IL1R1: variants seen among roughly 807,000 people sequenced by gnomAD.
IL1R1 encodes the protein interleukin-1 receptor type 1.
IL1R1 carries 22 observed loss-of-function variants against 50.2 expected under a neutral mutation model. That is an observed-to-expected ratio of 0.44 (90% CI 0.31 to 0.63). The LOEUF is 0.63. Among genes scored for constraint, IL1R1 ranks in the 20% least tolerant of loss-of-function variants. The pLI is 0.07. For missense variants in IL1R1, 509 were observed against 676.2 expected (o/e 0.75, Z 2.74); for synonymous variants, 251 against 236.7 (o/e 1.06, Z -0.55).
Position 102,137,612 on chromosome 2 carries a change from T to C in IL1R1, c.-83-16329T>C, listed in dbSNP as rs1577930970. Among the ~76,000 whole-genome samples, 3 of 152,024 alleles carry C rather than the reference T, an allele frequency of 2.0e-5. No individual in the cohort carries two copies. The South Asian group carries it at 6.2e-4, about 32-fold the overall frequency. On this transcript the variant is annotated intron_variant, in intron 1 of 10. Coordinates refer to the IL1R1 transcript ENST00000409329. ...GCATCAAGACTGAGTGTTCTAAGAGTCCCAGGAAGAACCTGAAAGGCTTTT... is the reference window on the plus strand; with the variant it reads ...GCATCAAGACTGAGTGTTCTAAGAGCCCCAGGAAGAACCTGAAAGGCTTTT...
intron 1 of IL1R1, among the ~76,000 whole-genome samples, chr2:102,144,943 G>A (rs1207256265): frequency 6.6e-6 from 1 of 152,238 alleles, no homozygotes; most frequent in Non-Finnish European, 1.5e-5. Flanking sequence ...GCCATGCACA[G>A]GGACCAGGGC....
chr2:102,136,455 C>A (rs1682349976), intron 1 of IL1R1, among the ~76,000 whole-genome samples: 1 of 138,988 alleles, frequency 7.2e-6, no homozygotes, highest in African/African-American at 2.7e-5. Flanking sequence ...TGGCTCATTG[C>A]AGCCTCTGCC....
At chr2:102,140,113 C>T (rs796174351), upstream of IL1R1, among the ~76,000 whole-genome samples, 21 of 152,154 alleles carry the variant, frequency 1.4e-4, no homozygotes, top group Non-Finnish European at 2.2e-4. Context: ...TTCTGTACTC[C>T]GTGGTTTATG....
intron 1 of IL1R1, among the ~76,000 whole-genome samples, chr2:102,124,845 G>A (rs1681607795): frequency 6.6e-6 from 1 of 152,072 alleles, no homozygotes; most frequent in Non-Finnish European, 1.5e-5. Flanking sequence ...GAACCTGGGA[G>A]GCGGGGGTTG....
At chr2:102,091,975 C>T (rs927341679) in intron 1 of IL1R1, among the ~76,000 whole-genome samples, 2 of 152,132 alleles carry the variant, frequency 1.3e-5, no homozygotes, top group Non-Finnish European at 2.9e-5. Context: ...TTTTTAATGG[C>T]TGAATAGAAG....
intron 1 of IL1R1, among the ~76,000 whole-genome samples, chr2:102,092,640 C>T (rs111719624): frequency 3.0e-4 from 46 of 152,178 alleles, no homozygotes; most frequent in African/African-American, 1.1e-3. Flanking sequence ...AAATTTTGCA[C>T]GCCTCATATA....
At chr2:102,120,585 C>A (rs1681350851) in intron 1 of IL1R1, among the ~76,000 whole-genome samples, 1 of 152,182 alleles carries the variant, frequency 6.6e-6, no homozygotes, top group African/African-American at 2.4e-5. Context: ...CAGTGTCACA[C>A]AGAGGCAGGC....
At position 102,163,530 on chromosome 2, in the gene IL1R1, A is replaced by G. The variant is rs1326899397; in HGVS notation, c.62-1244A>G. Among the ~76,000 whole-genome samples the G allele has an allele frequency of 5.3e-5, 8 of 152,114 alleles. No homozygotes were observed. In the South Asian group the frequency reaches 1.5e-3, roughly 28 times the overall value. The stretch of plus-strand genomic sequence containing the variant: ...CCCATCCATTGTTTTTTGTAACTCA[A>G]CATTATTGTTTTCATCTCTAAAAGT... On this transcript the variant is annotated intron_variant, in intron 3 of 11. Transcript: ENST00000410023.
intron 1 of IL1R1, among the ~76,000 whole-genome samples, chr2:102,073,348 C>T (rs1205456452): frequency 6.6e-6 from 1 of 152,106 alleles, no homozygotes; most frequent in Non-Finnish European, 1.5e-5. Flanking sequence ...ACTCATCTGG[C>T]ACCAAAAAGT....
At chr2:102,115,014 T>A (rs1048611132) in intron 1 of IL1R1, among the ~76,000 whole-genome samples, 7 of 152,170 alleles carry the variant, frequency 4.6e-5, no homozygotes, top group Non-Finnish European at 8.8e-5. Context: ...GTCTCCTGAA[T>A]GGAATTACTC....
At position 102,172,764 on chromosome 2, in the gene IL1R1, A is replaced by G. The variant is rs1685801756; in HGVS notation, c.917A>G (p.Tyr306Cys). Residue 306 changes from tyrosine (Y) to cysteine (C), a missense_variant, in exon 9 of 12, where the codon TAT becomes TGT. Physicochemically the swap from Tyr to Cys is radical, Grantham distance 194 (BLOSUM62 -2). Coordinates refer to ENST00000410023, the MANE Select transcript of IL1R1 (RefSeq NM_000877.4). ...LNISEIESRF[Y>C]KHPFTCFAKN... is the part of the protein sequence containing the mutation. ...ATATCGGAAATTGAAAGTAGATTTT[A>G]TAAACATCCATTTACCTGTTTTGCC... is the stretch of plus-strand genomic sequence containing the variant. 6.2e-7 allele frequency: 1 copy of G among 1,611,870 alleles called. No individual in the cohort carries two copies. The highest frequency in any genetic ancestry group is 1.1e-5 in the South Asian group (1 of 91,008).
At position 102,177,919 on chromosome 2, in the gene IL1R1, C is replaced by G. The variant is rs3917327; in HGVS notation, c.*1160C>G. On this transcript the variant is annotated 3_prime_UTR_variant, in exon 12 of 12. Coordinates refer to ENST00000410023, the MANE Select transcript of IL1R1 (RefSeq NM_000877.4). ...CCTGCTGAAACACCTCCCAGGGGCTCCACCTGTTCAGGAGCTGAAGCCCAT... is the reference window on the plus strand; with the variant it reads ...CCTGCTGAAACACCTCCCAGGGGCTGCACCTGTTCAGGAGCTGAAGCCCAT... 0.027 allele frequency: 4,080 copies of G among 153,214 alleles called. 133 individuals are homozygous for G. Among genetic ancestry groups the G allele is most frequent in the African/African-American group, 0.074 (3,071 of 41,538 alleles). The allele number at this position is 153,214 out of a possible 1,614,324, so 9.5% of individuals were successfully genotyped here.
intron 1 of IL1R1, among the ~76,000 whole-genome samples, chr2:102,076,666 G>T (rs1374292749): frequency 6.6e-6 from 1 of 152,114 alleles, no homozygotes; most frequent in Non-Finnish European, 1.5e-5. Context: ...TTTCTAATGA[G>T]AAATCTGCTG....
chr2:102,142,553 C>T (rs1371820885), upstream of IL1R1: 2 of 152,108 alleles, frequency 1.3e-5, no homozygotes, highest in East Asian at 1.9e-4. Context: ...GCTTTGGAAC[C>T]GGCGGGACCC....
At chr2:102,108,504 G>A (rs1680553887) in intron 1 of IL1R1, among the ~76,000 whole-genome samples, 2 of 151,938 alleles carry the variant, frequency 1.3e-5, no homozygotes, top group South Asian at 4.2e-4. Context: ...CTCTCTCCAG[G>A]GCCTGCTTTG....
chr2:102,176,709 C>G lies in IL1R1; in HGVS notation c.1660C>G (p.Pro554Ala). The G allele has an allele frequency of 6.2e-7, 1 of 1,614,158 alleles. No homozygotes were observed. The highest frequency in any genetic ancestry group is 1.3e-5 in the African/African-American group (1 of 75,040). Residue 554 changes from proline to alanine, a missense_variant, in exon 12 of 12, where the codon CCA becomes GCA. Coordinates refer to ENST00000410023, the MANE Select transcript of IL1R1 (RefSeq NM_000877.4). ...SPSSKHQLLSPATKEKLQREA... is the reference protein window; with the variant it reads ...SPSSKHQLLSAATKEKLQREA... ...TTCATCTAAACACCAGTTACTGTCA[C>G]CAGCCACTAAGGAGAAACTGCAAAG...
chr2:102,110,499 G>A (rs1362627655), intron 1 of IL1R1, among the ~76,000 whole-genome samples: 1 of 130,172 alleles, frequency 7.7e-6, no homozygotes, highest in African/African-American at 3.0e-5. Context: ...GCCTCTCCAT[G>A]TGCTCGTCAA....
intron 7 of IL1R1, 39 bp from the exon 8 acceptor site, chr2:102,171,762 A>G (rs747472401): frequency 1.6e-6 from 2 of 1,221,884 alleles, no homozygotes; most frequent in Non-Finnish European, 2.4e-6. Context: ...GATCAGAAAA[A>G]ATCAATTAAT....
At chr2:102,079,460 A>G (rs1410165072) in intron 1 of IL1R1, among the ~76,000 whole-genome samples, 1 of 152,150 alleles carries the variant, frequency 6.6e-6, no homozygotes, top group Non-Finnish European at 1.5e-5. Context: ...TAGCAATGAA[A>G]AATTTGAAAA....
Sources: gnomAD v4.1 joint callset for allele counts (sites outside exome capture counted in the v4.1 genomes callset) on GRCh38, gnomAD v4.1.1 for gene constraint, MANE v1.5 for transcripts, NCBI Gene and HGNC (gene_info 2026-07-23, HGNC 2026-07-21) for gene names.